Variants in NUDT5 observed in about 807,000 individuals in gnomAD.
NUDT5 encodes the protein ADP-sugar pyrophosphatase.
NUDT5 carries 21 observed loss-of-function variants against 34.1 expected under a neutral mutation model. The ratio of observed to expected loss-of-function variants is 0.62; its 90% confidence interval spans 0.44 to 0.89. The LOEUF (loss-of-function observed/expected upper bound fraction) is 0.89, where lower values mean the gene tolerates loss of function less well. NUDT5 is among the 40% of genes least tolerant of loss of function. The pLI, the probability that NUDT5 is intolerant of heterozygous loss-of-function variation, is 0.00. For synonymous variants in NUDT5, 85 were observed against 97.6 expected (o/e 0.87, Z 0.76); for missense variants, 249 against 274.8 (o/e 0.91, Z 0.66).
intron 1 of NUDT5, among the ~76,000 whole-genome samples, chr10:12,194,168 C>T (rs912109994): frequency 6.6e-6 from 1 of 152,256 alleles, no homozygotes; most frequent in Non-Finnish European, 1.5e-5. Flanking sequence ...AGGCACCGCG[C>T]CCGGCCTATG....
chr10:12,190,294 AG>A (rs1360478193), intron 1 of NUDT5, among the ~76,000 whole-genome samples: 2 of 152,226 alleles, frequency 1.3e-5, no homozygotes, highest in Non-Finnish European at 2.9e-5. Context: ...CTGAAGGTCT[AG>A]GATGTGTTGG....
chr10:12,194,144 G>T (rs956394484), intron 1 of NUDT5, among the ~76,000 whole-genome samples: 8 of 152,246 alleles, frequency 5.3e-5, no homozygotes. Flanking sequence ...CAGAGTGCTG[G>T]GATCACAGGC....
chr10:12,185,226 G>A (rs1444431921), intron 2 of NUDT5, among the ~76,000 whole-genome samples: 1 of 152,190 alleles, frequency 6.6e-6, no homozygotes, highest in East Asian at 1.9e-4. Context: ...CCTGGGGGCT[G>A]GGGGAAGGGG....
chr10:12,183,815 A>G (rs956268401), intron 3 of NUDT5, among the ~76,000 whole-genome samples: 3 of 152,150 alleles, frequency 2.0e-5, no homozygotes, highest in African/African-American at 7.2e-5. Flanking sequence ...AAGCATATAC[A>G]TACTTTTCTA....
At chr10:12,178,979 A>G (rs1381688695) in intron 4 of NUDT5, 104 bp downstream of exon 4, 1 of 955,508 alleles carries the variant, frequency 1.0e-6, no homozygotes, top group Admixed American at 1.9e-5. Context: ...AGATTTAAAG[A>G]CACAACATCC....
rs2131700295 is a variant in NUDT5, at chr10:12,171,784, G to C, written c.488-876C>G. Among the ~76,000 whole-genome samples, 1 of 151,658 alleles carries C rather than the reference G, an allele frequency of 6.6e-6. No homozygotes were observed. Among genetic ancestry groups the C allele is most frequent in the East Asian group, 1.9e-4 (1 of 5,160 alleles). On this transcript the variant is annotated intron_variant, in intron 7 of 9. Coordinates refer to ENST00000491614, the MANE Select transcript of NUDT5 (RefSeq NM_014142.4). The surrounding 1 kb of genome is among the most constrained non-coding windows in gnomAD (Gnocchi z 4.2). ...CTGTTGCCCGGGCTGGAGTGCAGTG[G>C]TGTGATCTTGACTCACTGCAACCTC...
Position 12,172,823 on chromosome 10 carries a change from G to A in NUDT5, c.429C>T (p.Ile143=), listed in dbSNP as rs746503961. 6.2e-6 allele frequency: 10 copies of A among 1,614,072 alleles called. No homozygotes were observed. Among genetic ancestry groups the A allele is most frequent in the Admixed American group, 1.7e-5 (1 of 60,006 alleles). The change falls in exon 7 of 10, where the codon ATC becomes ATT. Residue 143 remains isoleucine (I), a synonymous_variant. Transcript: ENST00000491614. ...DPGLSNCTIH[I]VTVTINGDDA... ...CATCTCCGTTAATGGTGACTGTCAC[G>A]ATGTGTATAGTACAGTTTGACAAGC...
In NUDT5 at chr10:12,170,379, C is replaced by T; in HGVS notation, c.550+338G>A. 3.1e-6 allele frequency: 2 copies of T among 644,800 alleles called. No individual in the cohort carries two copies. Among genetic ancestry groups the T allele is most frequent in the Non-Finnish European group, 5.4e-6 (2 of 372,732 alleles). 39.9% of individuals were successfully genotyped at this position (644,800 alleles called of 1,614,324 possible). On this transcript the variant is annotated intron_variant, in intron 9 of 9. Transcript: ENST00000491614. The surrounding 1 kb of genome is among the most constrained non-coding windows in gnomAD (Gnocchi z 4.9). ...AGCATACTTGAGGAAAAGCTAACAG[C>T]TTATCTACCCACACCTTTGCATTGC...
At position 12,181,360 on chromosome 10, in the gene NUDT5, G is replaced by C. The variant is rs925496698; in HGVS notation, c.132-2228C>G. On this transcript the variant is annotated intron_variant, in intron 3 of 9. Coordinates refer to ENST00000491614, the MANE Select transcript of NUDT5 (RefSeq NM_014142.4). The surrounding 1 kb of genome is among the most constrained non-coding windows in gnomAD (Gnocchi z 5.0). The stretch of plus-strand genomic sequence containing the variant: ...TGCAGGGGGTCCTGGAACCAACCCC[G>C]ACAGACACCAAGTGACAGCTGTACA... 1.3e-5 allele frequency among the ~76,000 whole-genome samples: 2 copies of C among 152,168 alleles called. No individual in the cohort carries two copies. The highest frequency in any genetic ancestry group is 4.8e-5 in the African/African-American group (2 of 41,442).
chr10:12,170,780 C>CA lies in NUDT5; in HGVS notation c.497-11dup. On this transcript the variant is annotated splice_polypyrimidine_tract_variant and intron_variant, in intron 8 of 9. Coordinates refer to ENST00000491614, the MANE Select transcript of NUDT5 (RefSeq NM_014142.4). This position sits in a 1 kb window ranked among gnomAD's most constrained non-coding sequence, Gnocchi z 4.9. ...ATGACTTCCACAAACTCTAAACAGA[C>CA]AAAGTGCAAGTGAAAACAAAGCTAA... 1 of 1,614,088 alleles carries CA rather than the reference C, an allele frequency of 6.2e-7. No homozygotes were observed.
rs989383138 is a variant in NUDT5 at position 12,165,400 on chromosome 10, A to C, written c.*2302T>G. 1 of 950,962 alleles carries C rather than the reference A, an allele frequency of 1.1e-6. No homozygotes were observed. Among genetic ancestry groups the C allele is most frequent in the Non-Finnish European group, 1.3e-6 (1 of 798,748 alleles). 58.9% of individuals were successfully genotyped at this position (950,962 alleles called of 1,614,324 possible). On this transcript the variant is annotated 3_prime_UTR_variant, in exon 10 of 10. Coordinates refer to ENST00000491614, the MANE Select transcript of NUDT5 (RefSeq NM_014142.4). ...GTGTTGGAAAAAATAAAGAAATCTG[A>C]TATTAAACGTTTTCTAAGATCATTT...
At chr10:12,195,039 G>GCT (rs996322446) in intron 1 of NUDT5, among the ~76,000 whole-genome samples, 1 of 152,124 alleles carries the variant, frequency 6.6e-6, no homozygotes, top group Non-Finnish European at 1.5e-5. Context: ...GCGCGCGCGC[G>GCT]CTCTCAGCTA....
At chr10:12,191,364 C>T (rs1459692452) in intron 1 of NUDT5, among the ~76,000 whole-genome samples, 1 of 151,944 alleles carries the variant, frequency 6.6e-6, no homozygotes, top group Non-Finnish European at 1.5e-5. Context: ...GCCTAGGCGA[C>T]AGAGCAAGAC....
chr10:12,176,429 G>A (rs1378727317), intron 5 of NUDT5, among the ~76,000 whole-genome samples: 1 of 150,344 alleles, frequency 6.7e-6, no homozygotes, highest in Non-Finnish European at 1.5e-5. Context: ...CATGGTGAGA[G>A]CCCATCTCTA....
chr10:12,168,804 C>T lies in NUDT5; in HGVS notation c.551-993G>A, dbSNP rs1302787728. On this transcript the variant is annotated intron_variant, in intron 9 of 9. Coordinates refer to ENST00000491614, the MANE Select transcript of NUDT5 (RefSeq NM_014142.4). This position sits in a 1 kb window ranked among gnomAD's most constrained non-coding sequence, Gnocchi z 4.8. ...TTTGAGATGGAGTCTCACTTTGTCGCCAGGCTGCAGTGCAGTGCCACGATC... is the reference window on the plus strand; with the variant it reads ...TTTGAGATGGAGTCTCACTTTGTCGTCAGGCTGCAGTGCAGTGCCACGATC... 6.6e-6 allele frequency among the ~76,000 whole-genome samples: 1 copy of T among 152,040 alleles called. No homozygotes were observed. The highest frequency in any genetic ancestry group is 1.5e-5 in the Non-Finnish European group (1 of 68,008).
intron 1 of NUDT5, among the ~76,000 whole-genome samples, chr10:12,195,509 G>A (rs1385446541): frequency 6.6e-6 from 1 of 152,166 alleles, no homozygotes; most frequent in Non-Finnish European, 1.5e-5. Context: ...CTCTGCAGAT[G>A]CTGCAATCTT....
rs1834931558 is a variant in NUDT5, at chr10:12,175,428, T to C, written c.290-1615A>G. Among the ~76,000 whole-genome samples, 1 of 151,754 alleles carries C rather than the reference T, an allele frequency of 6.6e-6. No individual in the cohort carries two copies. Among genetic ancestry groups the C allele is most frequent in the Admixed American group, 6.6e-5 (1 of 15,240 alleles). On this transcript the variant is annotated intron_variant, in intron 5 of 9. Transcript: ENST00000491614. The surrounding 1 kb of genome is among the most constrained non-coding windows in gnomAD (Gnocchi z 4.8). ...TGGGAGGCTGAGGCAGGAGGATCAC[T>C]TGAGGCCAGGAGTTTGGGGCCAGCC...
At position 12,181,275 on chromosome 10, in the gene NUDT5, T is replaced by C. The variant is rs1392701013; in HGVS notation, c.132-2143A>G. 6.6e-6 allele frequency among the ~76,000 whole-genome samples: 1 copy of C among 152,180 alleles called. No individual in the cohort carries two copies. The highest frequency in any genetic ancestry group is 2.4e-5 in the African/African-American group (1 of 41,440). On this transcript the variant is annotated intron_variant, in intron 3 of 9. Transcript: ENST00000491614. This position sits in a 1 kb window ranked among gnomAD's most constrained non-coding sequence, Gnocchi z 5.0. ...AGGATGTGCATAGGTTAGAGGCAAA[T>C]ACATACTGAGTATCTGCATTTTCAT...
At position 12,177,695 on chromosome 10, in the gene NUDT5, A is replaced by T. The variant is rs1834977530; in HGVS notation, c.289+98T>A. ...TTTAGTTTTACTTAAAACCACAAGG[A>T]CAGATTAAAAACTGCAGAGCTGAGC... On this transcript the variant is annotated intron_variant, in intron 5 of 9. Coordinates refer to ENST00000491614, the MANE Select transcript of NUDT5 (RefSeq NM_014142.4). 4 of 878,482 alleles carry T rather than the reference A, an allele frequency of 4.6e-6. No individual in the cohort carries two copies. The South Asian group carries it at 5.7e-5, about 12-fold the overall frequency. The allele number at this position is 878,482 out of a possible 1,614,324, so 54.4% of individuals were successfully genotyped here. A position where few individuals can be genotyped will look rare whatever the true frequency, so the allele number is the denominator to read the frequency against.
Sources: allele counts gnomAD v4.1 joint callset (sites outside exome capture counted in the v4.1 genomes callset), GRCh38; gene constraint gnomAD v4.1.1; non-coding constraint Gnocchi (gnomAD v3.1); transcripts MANE v1.5; gene names NCBI Gene and HGNC (gene_info 2026-07-23, HGNC 2026-07-21).